PIGK: variants seen among roughly 807,000 people sequenced by gnomAD.
PIGK encodes the protein phosphatidylinositol glycan anchor biosynthesis class K.
In PIGK, 42 loss-of-function variants were observed where a neutral mutation model predicts 50.6. The ratio of observed to expected loss-of-function variants is 0.83; its 90% confidence interval spans 0.65 to 1.07. PIGK has a LOEUF of 1.07. PIGK is among the 50% of genes least tolerant of loss of function. The pLI, the probability that PIGK is intolerant of heterozygous loss-of-function variation, is 0.00. For missense variants in PIGK, 448 were observed against 488.7 expected, an observed-to-expected ratio of 0.92 and a Z score of 0.78; for synonymous variants, 151 against 156.0, an observed-to-expected ratio of 0.97 and a Z score of 0.24.
chr1:77,136,326 G>A lies in PIGK; in HGVS notation c.987-13967C>T, dbSNP rs191678420. Among the ~76,000 whole-genome samples, 16 of 151,766 alleles carry A rather than the reference G, an allele frequency of 1.1e-4. No individual in the cohort carries two copies. The East Asian group carries it at 2.9e-3, about 28-fold the overall frequency. On this transcript the variant is annotated intron_variant, in intron 9 of 10. Transcript: ENST00000370812. ...GGGCGGATCACGAGGTCAGGAGATC[G>A]AGACCATCCCGGCTAAAACGGTGAA...
intron 9 of PIGK, among the ~76,000 whole-genome samples, chr1:77,125,799 A>G (rs921819315): frequency 6.6e-6 from 1 of 152,180 alleles, no homozygotes; most frequent in East Asian, 1.9e-4. Flanking sequence ...TTTAAATACC[A>G]TATCTGTTAA....
intron 10 of PIGK, among the ~76,000 whole-genome samples, chr1:77,092,831 G>A (rs541751792): frequency 6.2e-4 from 94 of 151,868 alleles, no homozygotes; most frequent in Non-Finnish European, 1.2e-3. Context: ...TTAATTTGTC[G>A]GTTTTATCTA....
At chr1:77,102,922 A>C (rs1223304193) in intron 10 of PIGK, among the ~76,000 whole-genome samples, 1 of 152,108 alleles carries the variant, frequency 6.6e-6, no homozygotes, top group East Asian at 1.9e-4. Flanking sequence ...TCTATCTTTA[A>C]TTTACTTTGA....
chr1:77,194,798 A>G (rs537186113), intron 3 of PIGK: 2 of 367,006 alleles, frequency 5.4e-6, no homozygotes, highest in South Asian at 4.4e-5. Flanking sequence ...ATAAACGTTG[A>G]AAAGAAAAAA....
At chr1:77,121,601 T>C (rs1654096730) in intron 10 of PIGK, among the ~76,000 whole-genome samples, 1 of 152,200 alleles carries the variant, frequency 6.6e-6, no homozygotes, top group Non-Finnish European at 1.5e-5. Flanking sequence ...TTTACTATAA[T>C]ATGTAAGTTT....
chr1:77,181,147 T>C (rs984473553), intron 3 of PIGK, among the ~76,000 whole-genome samples: 2 of 152,074 alleles, frequency 1.3e-5, no homozygotes, highest in East Asian at 1.9e-4. Context: ...GATAAACATA[T>C]ATGAAGGGAA....
intron 2 of PIGK, among the ~76,000 whole-genome samples, chr1:77,209,866 C>T (rs867347041): frequency 1.3e-5 from 2 of 151,956 alleles, no homozygotes; most frequent in African/African-American, 2.4e-5. Flanking sequence ...TATCTTTATG[C>T]TTATATATGA....
intron 9 of PIGK, among the ~76,000 whole-genome samples, chr1:77,146,908 A>T (rs940411849): frequency 3.3e-5 from 5 of 152,128 alleles, no homozygotes; most frequent in African/African-American, 9.7e-5. Context: ...GTTCAAGGGT[A>T]CAGTGAGCTA....
At chr1:77,178,006 A>G (rs1056417363) in intron 3 of PIGK, among the ~76,000 whole-genome samples, 2 of 152,132 alleles carry the variant, frequency 1.3e-5, no homozygotes, top group African/African-American at 4.8e-5. Flanking sequence ...CTTCTCTACT[A>G]TCATGACACT....
At chr1:77,193,316 C>T (rs1184459674) in intron 3 of PIGK, among the ~76,000 whole-genome samples, 1 of 149,538 alleles carries the variant, frequency 6.7e-6, no homozygotes, top group African/African-American at 2.5e-5. Context: ...CCGGTGACAA[C>T]TCAGGTAGGA....
rs572799393 is a variant in PIGK, at chr1:77,089,636, G to A, written c.*2738C>T. 2 of 152,562 alleles carry A rather than the reference G, an allele frequency of 1.3e-5. No individual in the cohort carries two copies. Among genetic ancestry groups the A allele is most frequent in the Admixed American group, 6.5e-5 (1 of 15,268 alleles). The allele number at this position is 152,562 out of a possible 1,614,324, so 9.5% of individuals were successfully genotyped here. On this transcript the variant is annotated 3_prime_UTR_variant, in exon 11 of 11. Coordinates refer to ENST00000370812, the MANE Select transcript of PIGK (RefSeq NM_005482.3). ...AGAAACAAGCTGAGTTATGCTTCTTGTGGGAATCATCATTTTCAACTAGCT... is the reference window on the plus strand; with the variant it reads ...AGAAACAAGCTGAGTTATGCTTCTTATGGGAATCATCATTTTCAACTAGCT...
chr1:77,092,422 C>T lies in PIGK; in HGVS notation c.1140G>A (p.Met380Ile). The T allele has an allele frequency of 6.2e-7, 1 of 1,605,430 alleles. No homozygotes were observed. Residue 380 changes from methionine to isoleucine, a missense_variant, in exon 11 of 11, where the codon ATG (methionine) becomes ATA (isoleucine). By Grantham distance (10) the Met-to-Ile change is conservative. Coordinates refer to ENST00000370812, the MANE Select transcript of PIGK (RefSeq NM_005482.3). ...FILGLWALII[M>I]VFFKTYGIKH... ...TAATTCCATAAGTTTTGAAGAAAAC[C>T]ATGATAATAAGTGCCCATAATCCCA...
intron 10 of PIGK, among the ~76,000 whole-genome samples, chr1:77,102,311 T>TGAGTGG (rs778496823): frequency 7.2e-5 from 11 of 152,182 alleles, no homozygotes; most frequent in Non-Finnish European, 1.3e-4. Flanking sequence ...TCCAATATTG[T>TGAGTGG]GAGTGGTATG....
At chr1:77,206,835 A>G in intron 2 of PIGK, 104 bp from the exon 3 acceptor site, 1 of 677,296 alleles carries the variant, frequency 1.5e-6, no homozygotes, top group Non-Finnish European at 2.6e-6. Flanking sequence ...AAGAAACAGT[A>G]TGCCATAATT....
intron 2 of PIGK, 25 bp from the exon 3 acceptor site, chr1:77,206,756 A>G (rs1362156779): frequency 7.4e-7 from 1 of 1,347,692 alleles, no homozygotes; most frequent in South Asian, 1.2e-5. Flanking sequence ...CAAAAACAGA[A>G]TTTTTATGCA....
chr1:77,125,301 AC>A (rs1328029206), intron 9 of PIGK, among the ~76,000 whole-genome samples: 7 of 152,352 alleles, frequency 4.6e-5, no homozygotes, highest in African/African-American at 1.7e-4. Flanking sequence ...AGCTGCAGAT[AC>A]CATGACAGTT....
At chr1:77,113,907 C>G (rs966835016) in intron 10 of PIGK, among the ~76,000 whole-genome samples, 1 of 152,100 alleles carries the variant, frequency 6.6e-6, no homozygotes, top group South Asian at 2.1e-4. Context: ...CATATCTCTA[C>G]ATGTCTTAAA....
chr1:77,185,132 G>A lies in PIGK; in HGVS notation c.240-15737C>T, dbSNP rs570076886. Among the ~76,000 whole-genome samples the A allele has an allele frequency of 1.0e-3, 158 of 152,304 alleles. 1 individual carries two copies. The highest frequency in any genetic ancestry group is 3.6e-3 in the African/African-American group (149 of 41,570). The stretch of plus-strand genomic sequence containing the variant: ...TACCTGGTATGTAGCCACTGATTCG[G>A]CAAATACCTTTTTCTCCATGCCTGT... On this transcript the variant is annotated intron_variant, in intron 3 of 10. Coordinates refer to ENST00000370812, the MANE Select transcript of PIGK (RefSeq NM_005482.3).
Position 77,117,097 on chromosome 1 carries a change from T to C in PIGK, c.1071+5178A>G, listed in dbSNP as rs555767356. ...GGAGTCCTTCATTGTCTTGCTCCAA[T>C]TTGTACTCTTTACTCTTTAAACTTC... On this transcript the variant is annotated intron_variant, in intron 10 of 10. Transcript: ENST00000370812. Among the ~76,000 whole-genome samples, 158 of 152,260 alleles carry C rather than the reference T, an allele frequency of 1.0e-3. 1 individual carries two copies. Among genetic ancestry groups the C allele is most frequent in the African/African-American group, 3.6e-3 (149 of 41,562 alleles).
Sources: gnomAD v4.1 joint callset for allele counts (sites outside exome capture counted in the v4.1 genomes callset) on GRCh38, gnomAD v4.1.1 for gene constraint, MANE v1.5 for transcripts, NCBI Gene and HGNC (gene_info 2026-07-23, HGNC 2026-07-21) for gene names.